The following DNAH7 variants were observed in gnomAD, a reference collection of about 807,000 sequenced individuals.
The protein encoded by DNAH7 is axonemal beta dynein heavy chain 7.
DNAH7 carries 397 observed loss-of-function variants against 444.6 expected under a neutral mutation model. That is an observed-to-expected ratio of 0.89 (90% confidence interval 0.82 to 0.97). The LOEUF is 0.97. Ranked by LOEUF, DNAH7 falls within the 50% of genes least tolerant of loss-of-function variation. DNAH7 has a pLI of 0.00. For missense variants in DNAH7, 4,902 were observed against 4,800.8 expected (o/e 1.02, Z -0.62); for synonymous variants, 1,636 against 1,624.4 (o/e 1.01, Z -0.17).
At position 196,000,855 on chromosome 2, in the gene DNAH7, C is replaced by G. The variant is rs114266575; in HGVS notation, c.1202G>C (p.Gly401Ala). 1.3e-6 allele frequency: 2 copies of G among 1,582,058 alleles called. No individual in the cohort carries two copies. Among genetic ancestry groups the G allele is most frequent in the Admixed American group, 3.7e-5 (2 of 53,652 alleles). ...ATCAAGAATCAGCCTCATGATGAAA[C>G]CTGGATGTTCAAAAGCTCTAACAGA... is the stretch of plus-strand genomic sequence containing the variant. ...PDSVRAFEHP[G>A]FIMRLILDND... Residue 401 changes from glycine (G) to alanine (A), a missense_variant, in exon 12 of 65, where the codon GGT becomes GCT. Gly to Ala is a moderately conservative substitution (Grantham distance 60). Coordinates refer to ENST00000312428, the MANE Select transcript of DNAH7 (RefSeq NM_018897.3).
In DNAH7 at chr2:195,787,942, C is replaced by T. The variant is rs576392499; in HGVS notation, c.10717-771G>A. On this transcript the variant is annotated intron_variant, in intron 57 of 64. Transcript: ENST00000312428. ...GCCCTGGTTAAGAAGACTTCTGCCA[C>T]GGGGTGAGGAAACCCCAAGGGTAAG... is the stretch of plus-strand genomic sequence containing the variant. 1.7e-4 allele frequency among the ~76,000 whole-genome samples: 26 copies of T among 152,224 alleles called. 1 individual carries two copies. The highest frequency in any genetic ancestry group is 2.5e-4 in the Non-Finnish European group (17 of 68,018).
In DNAH7 at chr2:195,787,487, T is replaced by A. The variant is rs148037338; in HGVS notation, c.10717-316A>T. ...CTTACTGAAGCATCATAAGGCAACA[T>A]GTAACAATTCCAACGTGTGCTCCCA... On this transcript the variant is annotated intron_variant, in intron 57 of 64. Transcript: ENST00000312428. Among the ~76,000 whole-genome samples the A allele has an allele frequency of 4.7e-3, 722 of 152,236 alleles. 3 individuals are homozygous for A. Among genetic ancestry groups the A allele is most frequent in the African/African-American group, 0.017 (702 of 41,550 alleles).
chr2:195,971,572 T>C (rs1416561627), intron 16 of DNAH7, among the ~76,000 whole-genome samples: 1 of 152,000 alleles, frequency 6.6e-6, no homozygotes, highest in Non-Finnish European at 1.5e-5. Context: ...GTGTGCTAGA[T>C]GAACAAGCAC....
intron 1 of DNAH7, among the ~76,000 whole-genome samples, chr2:196,065,885 G>T (rs990212022): frequency 7.2e-5 from 11 of 152,090 alleles, no homozygotes; most frequent in African/African-American, 2.4e-4. Flanking sequence ...TGCTTCCAAA[G>T]GAAAACTACA....
chr2:195,864,079 TA>T, intron 41 of DNAH7, 69 bp downstream of exon 41: 1 of 1,505,864 alleles, frequency 6.6e-7, no homozygotes, highest in Non-Finnish European at 9.0e-7. Flanking sequence ...TGGGAATCTA[TA>T]AAATAAGTCA....
At chr2:195,895,252 C>T in intron 29 of DNAH7, 28 bp from the exon 30 acceptor site, 1 of 1,481,062 alleles carries the variant, frequency 6.8e-7, no homozygotes, top group Non-Finnish European at 9.2e-7. Flanking sequence ...GAAGGATTTA[C>T]ATTTTATATA....
At chr2:195,984,873 T>C (rs1016637493) in intron 14 of DNAH7, among the ~76,000 whole-genome samples, 163 bp from the exon 15 acceptor site, 1 of 152,240 alleles carries the variant, frequency 6.6e-6, no homozygotes, top group Non-Finnish European at 1.5e-5. Context: ...CATTTACTTA[T>C]TCAGTGCACA....
At chr2:195,997,676 GA>G (rs145901598) in intron 12 of DNAH7, among the ~76,000 whole-genome samples, 11 of 147,694 alleles carry the variant, frequency 7.4e-5, no homozygotes, top group Admixed American at 4.0e-4. Flanking sequence ...TACCTTCCAT[GA>G]AAAAAAAAAG....
intron 63 of DNAH7, among the ~76,000 whole-genome samples, chr2:195,751,701 C>T (rs1299142817): frequency 1.3e-5 from 2 of 152,118 alleles, no homozygotes; most frequent in African/African-American, 2.4e-5. Flanking sequence ...AGGAGGTTAG[C>T]GTGACCTGAG....
intron 33 of DNAH7, among the ~76,000 whole-genome samples, chr2:195,886,937 C>T (rs1408890892): frequency 6.6e-6 from 1 of 152,152 alleles, no homozygotes; most frequent in African/African-American, 2.4e-5. Context: ...GAGACAGACT[C>T]CCTGAAGATT....
chr2:195,757,473 T>C (rs1200790752), intron 61 of DNAH7, among the ~76,000 whole-genome samples: 1 of 152,252 alleles, frequency 6.6e-6, no homozygotes, highest in Non-Finnish European at 1.5e-5. Context: ...GTCTTTTCTA[T>C]AGTTGAAAAT....
In DNAH7 at chr2:196,001,845, C is replaced by T. The variant is rs376062410; in HGVS notation, c.1003G>A (p.Val335Met). ...ETLLKMWFPE[V>M]QNIYYQGNKK... ...TTACCTTGGTAATAAATATTCTGCACTTCTGGAAACCACCTTGAAAGAACA... is the reference window on the plus strand; with the variant it reads ...TTACCTTGGTAATAAATATTCTGCATTTCTGGAAACCACCTTGAAAGAACA... Residue 335 changes from valine to methionine, a missense_variant, in exon 11 of 65, where the codon GTG (valine) becomes ATG (methionine). Val to Met is a conservative substitution (Grantham distance 21, BLOSUM62 1). Transcript: ENST00000312428. 11 of 1,603,792 alleles carry T rather than the reference C, an allele frequency of 6.9e-6. No individual in the cohort carries two copies. The African/African-American group carries it at 1.3e-4, about 20-fold the overall frequency.
chr2:195,751,143 CTTTT>C (rs1241090585), intron 63 of DNAH7, among the ~76,000 whole-genome samples: 1 of 152,058 alleles, frequency 6.6e-6, no homozygotes, highest in Non-Finnish European at 1.5e-5. Flanking sequence ...GATAAAGCTT[CTTTT>C]GAGTATGTTA....
intron 22 of DNAH7, among the ~76,000 whole-genome samples, chr2:195,925,428 C>G (rs950804776): frequency 1.6e-4 from 24 of 152,158 alleles, no homozygotes; most frequent in African/African-American, 5.8e-4. Flanking sequence ...GAAAAATACA[C>G]ATGGGGAGAA....
intron 33 of DNAH7, among the ~76,000 whole-genome samples, chr2:195,887,475 C>T (rs764011215): frequency 1.1e-4 from 17 of 152,122 alleles, no homozygotes; most frequent in Non-Finnish European, 2.4e-4. Context: ...ACCTGTGAGT[C>T]TATCTCTTGC....
chr2:196,062,235 G>A (rs762513037), intron 1 of DNAH7, among the ~76,000 whole-genome samples: 8 of 152,060 alleles, frequency 5.3e-5, no homozygotes, highest in Non-Finnish European at 8.8e-5. Context: ...GTATCCATCT[G>A]CTCCCTCATA....
At chr2:195,761,396 G>C (rs1213262115) in intron 61 of DNAH7, among the ~76,000 whole-genome samples, 1 of 152,242 alleles carries the variant, frequency 6.6e-6, no homozygotes, top group South Asian at 2.1e-4. Context: ...GAGGTAGAGA[G>C]AGATATATAT....
chr2:196,049,079 CCAGA>C (rs1559369415), intron 3 of DNAH7, among the ~76,000 whole-genome samples: 1 of 152,114 alleles, frequency 6.6e-6, no homozygotes, highest in Non-Finnish European at 1.5e-5. Flanking sequence ...TTCAACAAAC[CCAGA>C]CAGTCGGATT....
chr2:195,852,692 C>T (rs1000562888), intron 46 of DNAH7, among the ~76,000 whole-genome samples: 17 of 152,090 alleles, frequency 1.1e-4, no homozygotes, highest in African/African-American at 3.4e-4. Context: ...TTAGATGTTC[C>T]GCCAGGGAGA....
Sources: gnomAD v4.1 joint callset for allele counts (sites outside exome capture counted in the v4.1 genomes callset) on GRCh38, gnomAD v4.1.1 for gene constraint, MANE v1.5 for transcripts, NCBI Gene and HGNC (gene_info 2026-07-23, HGNC 2026-07-21) for gene names.